Variants in TECTA observed in about 807,000 individuals in gnomAD.
TECTA encodes alpha-tectorin.
TECTA carries 128 observed loss-of-function variants against 216.8 expected under a neutral mutation model. That is an observed-to-expected ratio of 0.59 (90% CI 0.51 to 0.68). The LOEUF (loss-of-function observed/expected upper bound fraction) is 0.68, where lower values mean the gene tolerates loss of function less well. TECTA is among the 30% of genes least tolerant of loss of function. TECTA has a pLI of 0.00. For missense variants in TECTA, 2,551 were observed against 2,786.2 expected (o/e 0.92, Z 1.90); for synonymous variants, 1,089 against 1,117.1 (o/e 0.97, Z 0.50).
chr11:121,153,607 G>A (rs1202831848), intron 13 of TECTA, among the ~76,000 whole-genome samples: 2 of 152,198 alleles, frequency 1.3e-5, no homozygotes, highest in African/African-American at 4.8e-5. Flanking sequence ...ATTTGTCACT[G>A]TGGTATCATC....
chr11:121,121,905 T>C (rs529321743), intron 7 of TECTA, among the ~76,000 whole-genome samples: 2 of 152,174 alleles, frequency 1.3e-5, no homozygotes, highest in South Asian at 4.1e-4. Context: ...TGGATAAGTG[T>C]TCAGCACTCT....
intron 12 of TECTA, among the ~76,000 whole-genome samples, chr11:121,151,875 C>T (rs189563588): frequency 9.2e-4 from 140 of 152,300 alleles, no homozygotes; most frequent in Admixed American, 2.6e-3. Flanking sequence ...GGTAGCTGTG[C>T]TTTTAGTATA....
intron 12 of TECTA, chr11:121,146,426 T>TAA (rs386375085): frequency 2.5e-6 from 1 of 403,150 alleles, no homozygotes; most frequent in Non-Finnish European, 4.3e-6. Flanking sequence ...AATAGAATGC[T>TAA]AACGAGATTA....
intron 16 of TECTA, among the ~76,000 whole-genome samples, chr11:121,162,754 G>A (rs1049714346): frequency 2.6e-5 from 4 of 152,174 alleles, no homozygotes; most frequent in Non-Finnish European, 4.4e-5. Flanking sequence ...ATCAGAAAGC[G>A]AAGGCACAGG....
intron 20 of TECTA, among the ~76,000 whole-genome samples, chr11:121,176,327 G>A (rs1262150116): frequency 4.1e-4 from 62 of 149,986 alleles, no homozygotes; most frequent in African/African-American, 1.1e-3. Context: ...GGCTGGTACC[G>A]GTTGTTCCTT....
chr11:121,122,667 C>T (rs1343545172), intron 7 of TECTA, among the ~76,000 whole-genome samples: 1 of 101,726 alleles, frequency 9.8e-6, no homozygotes, highest in South Asian at 4.0e-4. Flanking sequence ...AAAAGCCTGT[C>T]TCTCCAAAAA....
intron 11 of TECTA, among the ~76,000 whole-genome samples, chr11:121,140,075 T>C (rs970306306): frequency 6.6e-6 from 1 of 152,250 alleles, no homozygotes; most frequent in African/African-American, 2.4e-5. Flanking sequence ...TTTCTGCCTT[T>C]CACGTTTTTC....
chr11:121,155,069 C>A (rs1427539200), intron 13 of TECTA, among the ~76,000 whole-genome samples: 1 of 152,146 alleles, frequency 6.6e-6, no homozygotes, highest in South Asian at 2.1e-4. Flanking sequence ...ACAAAGAATC[C>A]ACATCTACTT....
intron 4 of TECTA, among the ~76,000 whole-genome samples, chr11:121,111,575 G>A (rs1452789096): frequency 6.6e-6 from 1 of 152,138 alleles, no homozygotes; most frequent in Non-Finnish European, 1.5e-5. Context: ...GTGACTTCAG[G>A]GGTTGGAAAT....
chr11:121,122,852 CAAA>C (rs58470847), intron 7 of TECTA, among the ~76,000 whole-genome samples: 36,430 of 145,522 alleles, frequency 0.25, 4,504 homozygotes, highest in African/African-American at 0.29. Flanking sequence ...GACCCTGTTT[CAAA>C]AAAAAAAAAA....
intron 13 of TECTA, among the ~76,000 whole-genome samples, 188 bp from the exon 14 acceptor site, chr11:121,157,653 G>T (rs1482530691): frequency 9.2e-5 from 14 of 152,220 alleles, no homozygotes. Flanking sequence ...GTATTGTTTG[G>T]CGTCTGAGTT....
chr11:121,107,012 A>G (rs1946396717), intron 3 of TECTA, among the ~76,000 whole-genome samples: 1 of 152,202 alleles, frequency 6.6e-6, no homozygotes, highest in Admixed American at 6.5e-5. Context: ...CATAGGATAT[A>G]ATCAAGACAC....
chr11:121,157,690 TGAG>T (rs1353294692), intron 13 of TECTA, 148 bp from the exon 14 acceptor site: 1 of 1,021,486 alleles, frequency 9.8e-7, no homozygotes, highest in African/African-American at 1.6e-5. Flanking sequence ...GCATTTGAGT[TGAG>T]GCCGTTTCCC....
chr11:121,155,327 C>T (rs1348287281), intron 13 of TECTA, among the ~76,000 whole-genome samples: 2 of 152,162 alleles, frequency 1.3e-5, no homozygotes, highest in African/African-American at 4.8e-5. Context: ...TTTCTCTTTT[C>T]ACCACTGTAA....
At chr11:121,173,195 T>G (rs1307097110) in intron 20 of TECTA, among the ~76,000 whole-genome samples, 1 of 151,842 alleles carries the variant, frequency 6.6e-6, no homozygotes, top group Non-Finnish European at 1.5e-5. Context: ...TTAGTTTAAT[T>G]AGATCCCATT....
rs535027403 is a variant in TECTA at position 121,109,148 on chromosome 11, T to A, written c.199-63T>A. On this transcript the variant is annotated intron_variant, in intron 3 of 23. Transcript: ENST00000392793. ...ACAGTTAGGCGAATGTCTGTCTTGGTTTGTGACTCTGAAGTTGTTATGGTT... is the reference window on the plus strand; with the variant it reads ...ACAGTTAGGCGAATGTCTGTCTTGGATTGTGACTCTGAAGTTGTTATGGTT... 2.5e-6 allele frequency: 4 copies of A among 1,584,496 alleles called. No individual in the cohort carries two copies. In the African/African-American group the frequency reaches 5.4e-5, roughly 21 times the overall value.
Position 121,125,739 on chromosome 11 carries a change from G to A in TECTA, c.1641G>A (p.Val547=), listed in dbSNP as rs1342546071. 6.2e-6 allele frequency: 10 copies of A among 1,613,886 alleles called. No individual in the cohort carries two copies. Among genetic ancestry groups the A allele is most frequent in the African/African-American group, 2.7e-5 (2 of 74,930 alleles). The change falls in exon 8 of 24, where the codon GTG becomes GTA. Residue 547 remains valine (V), a synonymous_variant. Coordinates refer to ENST00000392793, the MANE Select transcript of TECTA (RefSeq NM_005422.4). The part of the protein sequence containing the change: ...CGTVVDPTAF[V]HSCVYDLCSV... The stretch of plus-strand genomic sequence containing the variant: ...CTGTCGTGGACCCCACTGCTTTTGT[G>A]CACAGCTGCGTGTATGACCTGTGCA...
chr11:121,178,278 G>C (rs983348891), intron 20 of TECTA, among the ~76,000 whole-genome samples: 8 of 152,346 alleles, frequency 5.3e-5, no homozygotes, highest in African/African-American at 9.6e-5. Context: ...CGTCGCTCAC[G>C]CTGGGAGCTG....
chr11:121,120,408 C>T (rs1322761523), intron 7 of TECTA, among the ~76,000 whole-genome samples: 2 of 152,210 alleles, frequency 1.3e-5, no homozygotes, highest in African/African-American at 4.8e-5. Flanking sequence ...TACACCTGCC[C>T]TGCTGGGGAG....
Sources: gnomAD v4.1 joint callset for allele counts (sites outside exome capture counted in the v4.1 genomes callset) on GRCh38, gnomAD v4.1.1 for gene constraint, MANE v1.5 for transcripts, NCBI Gene and HGNC (gene_info 2026-07-23, HGNC 2026-07-21) for gene names.